The following HS3ST3A1 variants were observed in gnomAD, a reference collection of about 807,000 sequenced individuals.
The protein encoded by HS3ST3A1 is heparan sulfate glucosamine 3-O-sulfotransferase 3A1.
A neutral mutation model predicts 25.7 loss-of-function variants in HS3ST3A1; 19 were observed. The ratio of observed to expected loss-of-function variants is 0.74; its 90% CI spans 0.52 to 1.08. The LOEUF (loss-of-function observed/expected upper bound fraction) is 1.08. HS3ST3A1 is among the 50% of genes least tolerant of loss of function. The pLI is 0.00. For missense variants in HS3ST3A1, 459 were observed against 594.3 expected, an observed-to-expected ratio of 0.77 and a Z score of 2.37; for synonymous variants, 226 against 278.6, an observed-to-expected ratio of 0.81 and a Z score of 1.88.
chr17:13,594,052 C>T (rs1206742273), intron 1 of HS3ST3A1, among the ~76,000 whole-genome samples: 1 of 152,148 alleles, frequency 6.6e-6, no homozygotes, highest in Non-Finnish European at 1.5e-5. Context: ...TTGAAGGGTA[C>T]TGGTCAAGTA....
In HS3ST3A1 at chr17:13,495,741, T is replaced by C; in HGVS notation, c.*456A>G. ...CAAAAAGGTGTATTTGAAAGCACTA[T>C]GAAAACTGTGACGGGTACAAACATA... is the stretch of plus-strand genomic sequence containing the variant. On this transcript the variant is annotated 3_prime_UTR_variant, in exon 2 of 2. Transcript: ENST00000284110. 6.5e-6 allele frequency: 1 copy of C among 154,178 alleles called. No homozygotes were observed. Among genetic ancestry groups the C allele is most frequent in the Non-Finnish European group, 1.4e-5 (1 of 69,438 alleles). The allele number at this position is 154,178 out of a possible 1,614,324, so 9.6% of individuals were successfully genotyped here. A position where few individuals can be genotyped will look rare whatever the true frequency, so the allele number is the denominator to read the frequency against.
At chr17:13,584,636 AC>A (rs1908204693) in intron 1 of HS3ST3A1, among the ~76,000 whole-genome samples, 2 of 143,794 alleles carry the variant, frequency 1.4e-5, no homozygotes, top group Non-Finnish European at 3.0e-5. Context: ...GATTAAAAAA[AC>A]AATTAATCAT....
chr17:13,520,072 G>T (rs1009440741), intron 1 of HS3ST3A1, among the ~76,000 whole-genome samples: 1 of 152,130 alleles, frequency 6.6e-6, no homozygotes, highest in African/African-American at 2.4e-5. Flanking sequence ...CCATTGAAAA[G>T]AAATAATGAA....
chr17:13,570,282 T>C (rs1371527528), intron 1 of HS3ST3A1, among the ~76,000 whole-genome samples: 1 of 152,228 alleles, frequency 6.6e-6, no homozygotes, highest in East Asian at 1.9e-4. Flanking sequence ...AAATGACTCG[T>C]TGTTTCCTTC....
intron 1 of HS3ST3A1, among the ~76,000 whole-genome samples, chr17:13,509,330 A>C (rs1028402874): frequency 9.9e-5 from 15 of 152,228 alleles, no homozygotes; most frequent in African/African-American, 3.4e-4. Flanking sequence ...GAAACAAACA[A>C]ACTCGAAGGT....
rs530895957 is a variant in HS3ST3A1 at position 13,600,927 on chromosome 17, C to T, written c.203G>A (p.Gly68Asp). The change falls in exon 1 of 2, where the codon GGC (glycine) becomes GAC (aspartate). Residue 68 changes from glycine (G) to aspartate (D), a missense_variant. Physicochemically the swap from Gly to Asp is moderately conservative, Grantham distance 94. Around this residue, in one of 3 missense-constraint regions of HS3ST3A1, gnomAD observed 346 missense variants for 303.9 expected, o/e 1.14. Transcript: ENST00000284110. The stretch of plus-strand genomic sequence containing the variant: ...CCTCGGGCCTCCGGCCAGGACGCCG[C>T]CACCAGGGGCCCCCGCCTCCTCGCC... ...GGGEEAGAPG[G>D]GVLAGGPREL... 112 of 1,530,036 alleles carry T rather than the reference C, an allele frequency of 7.3e-5. No homozygotes were observed. The South Asian group carries it at 1.3e-3, about 18-fold the overall frequency. The allele number at this position is 1,530,036 out of a possible 1,614,324, so 94.8% of individuals were successfully genotyped here. A position where few individuals can be genotyped will look rare whatever the true frequency, so the allele number is the denominator to read the frequency against.
At chr17:13,558,439 T>G (rs943533014) in intron 1 of HS3ST3A1, among the ~76,000 whole-genome samples, 5 of 152,088 alleles carry the variant, frequency 3.3e-5, no homozygotes, top group African/African-American at 1.2e-4. Context: ...CAAAGATCAA[T>G]TATACAATTT....
chr17:13,531,954 C>A (rs574785205), intron 1 of HS3ST3A1, among the ~76,000 whole-genome samples: 1 of 152,168 alleles, frequency 6.6e-6, no homozygotes, highest in East Asian at 1.9e-4. Context: ...CTGGCCACAT[C>A]AAGGGGAGGT....
At chr17:13,560,010 C>T (rs1260370738) in intron 1 of HS3ST3A1, among the ~76,000 whole-genome samples, 1 of 151,620 alleles carries the variant, frequency 6.6e-6, no homozygotes, top group East Asian at 1.9e-4. Flanking sequence ...AGTGTATTGG[C>T]CGGGCGTGGT....
Position 13,601,789 on chromosome 17 carries a change from G to T in HS3ST3A1, c.-660C>A. ...GCAGAGCCGTCCACCCCTCTCCGTA[G>T]CGCCGGGTTGCTCCAAACTGCTCTT... On this transcript the variant is annotated 5_prime_UTR_variant, in exon 1 of 2. Coordinates refer to ENST00000284110, the MANE Select transcript of HS3ST3A1 (RefSeq NM_006042.3). The T allele has an allele frequency of 6.5e-6, 1 of 153,186 alleles. No individual in the cohort carries two copies. The highest frequency in any genetic ancestry group is 1.5e-5 in the Non-Finnish European group (1 of 68,772). 9.5% of individuals were successfully genotyped at this position (153,186 alleles called of 1,614,324 possible). A position where few individuals can be genotyped will look rare whatever the true frequency, so the allele number is the denominator to read the frequency against.
Position 13,601,261 on chromosome 17 carries a change from G to T in HS3ST3A1, c.-132C>A. On this transcript the variant is annotated 5_prime_UTR_variant, in exon 1 of 2. Transcript: ENST00000284110. ...TCGCCGTGCGCCCCTGTGGCCGTGCGAACTGTCCCGGGAGGCAGCGGCCGG... is the reference window on the plus strand; with the variant it reads ...TCGCCGTGCGCCCCTGTGGCCGTGCTAACTGTCCCGGGAGGCAGCGGCCGG... 2.9e-6 allele frequency: 2 copies of T among 682,206 alleles called. No homozygotes were observed. The highest frequency in any genetic ancestry group is 4.5e-6 in the Non-Finnish European group (2 of 441,088). 42.3% of individuals were successfully genotyped at this position (682,206 alleles called of 1,614,324 possible). A position where few individuals can be genotyped will look rare whatever the true frequency, so the allele number is the denominator to read the frequency against.
At chr17:13,506,478 C>G (rs918649024) in intron 1 of HS3ST3A1, among the ~76,000 whole-genome samples, 4 of 152,142 alleles carry the variant, frequency 2.6e-5, no homozygotes, top group Non-Finnish European at 5.9e-5. Flanking sequence ...CCAATCACAT[C>G]AAGAGATTTG....
intron 1 of HS3ST3A1, among the ~76,000 whole-genome samples, chr17:13,500,667 G>C (rs1268563533): frequency 6.6e-6 from 1 of 152,218 alleles, no homozygotes; most frequent in African/African-American, 2.4e-5. Flanking sequence ...GACATTTACA[G>C]TAGGTATGAA....
intron 1 of HS3ST3A1, among the ~76,000 whole-genome samples, chr17:13,539,021 G>A (rs1227069470): frequency 2.0e-5 from 3 of 152,160 alleles, no homozygotes; most frequent in African/African-American, 7.2e-5. Context: ...TTAGTTGACG[G>A]AGAGGTCAGC....
At chr17:13,522,884 AG>A (rs1906294463) in intron 1 of HS3ST3A1, among the ~76,000 whole-genome samples, 2 of 151,782 alleles carry the variant, frequency 1.3e-5, no homozygotes, top group South Asian at 2.1e-4. Context: ...ACACACACAA[AG>A]CAAGTACAAA....
intron 1 of HS3ST3A1, among the ~76,000 whole-genome samples, chr17:13,572,070 T>TA (rs1223816337): frequency 6.6e-6 from 1 of 152,148 alleles, no homozygotes; most frequent in Non-Finnish European, 1.5e-5. Context: ...ATAATGTTTT[T>TA]AAAAAACACA....
At chr17:13,554,861 A>G (rs919896623) in intron 1 of HS3ST3A1, among the ~76,000 whole-genome samples, 1 of 152,140 alleles carries the variant, frequency 6.6e-6, no homozygotes, top group Non-Finnish European at 1.5e-5. Flanking sequence ...TCTTGAAACT[A>G]AACGATGGTA....
intron 1 of HS3ST3A1, among the ~76,000 whole-genome samples, chr17:13,514,068 T>A (rs1192671361): frequency 3.3e-5 from 5 of 152,064 alleles, no homozygotes; most frequent in South Asian, 2.1e-4. Context: ...TTCCCAGATG[T>A]TTATCAAGAT....
At chr17:13,502,880 GA>G (rs35611722) in intron 1 of HS3ST3A1, among the ~76,000 whole-genome samples, 85,724 of 143,896 alleles carry the variant, frequency 0.6, 24,942 homozygotes, top group Admixed American at 0.65. Context: ...TAACTATAAT[GA>G]AAAAAAAAAA....
Sources: gnomAD v4.1 joint callset for allele counts (sites outside exome capture counted in the v4.1 genomes callset) on GRCh38, gnomAD v4.1.1 for gene constraint, gnomAD v4.1.1 regional missense constraint, MANE v1.5 for transcripts, NCBI Gene and HGNC (gene_info 2026-07-23, HGNC 2026-07-21) for gene names.